Variants in CLCN2 observed in about 807,000 individuals in gnomAD.
CLCN2 encodes the protein chloride channel protein 2.
In CLCN2, 72 loss-of-function variants were observed where a neutral mutation model predicts 108.3. The ratio of observed to expected loss-of-function variants is 0.66; its 90% CI spans 0.55 to 0.81. The LOEUF (loss-of-function observed/expected upper bound fraction) is 0.81. CLCN2 is among the 30% of genes least tolerant of loss of function. The pLI, the probability that CLCN2 is intolerant of heterozygous loss-of-function variation, is 0.00. For missense variants in CLCN2, 1,048 were observed against 1,205.2 expected (o/e 0.87, Z 1.93); for synonymous variants, 471 against 467.1 (o/e 1.01, Z -0.11).
Position 184,357,990 on chromosome 3 carries a change from AG to A in CLCN2, c.586del (p.Leu196Ter). 6.2e-7 allele frequency: 1 copy of A among 1,614,024 alleles called. No individual in the cohort carries two copies. Among genetic ancestry groups the A allele is most frequent in the African/African-American group, 1.3e-5 (1 of 75,050 alleles). ...IAKVIGLTCA[L>X]GSGMPLGKEG... is the part of the protein sequence containing the mutation. ...TTTGCCAAGCGGCATCCCGCTGCCT[AG>A]GGCGCAGGTCAGCCCAATGACCTTA... On this transcript the variant is annotated frameshift_variant, in exon 5 of 24. Transcript: ENST00000265593. LOFTEE classifies it high-confidence loss of function.
At chr3:184,357,337 G>T in intron 8 of CLCN2, 25 bp downstream of exon 8, 1 of 1,614,026 alleles carries the variant, frequency 6.2e-7, no homozygotes, top group Non-Finnish European at 8.5e-7. Flanking sequence ...ATCTCGGGCT[G>T]CCCTCATCCC....
In CLCN2 at chr3:184,357,706, G is replaced by A; in HGVS notation, c.694-8C>T. On this transcript the variant is annotated splice_region_variant and splice_polypyrimidine_tract_variant and intron_variant, in intron 6 of 23. Transcript: ENST00000265593. ...TGTGTTCCGGGATTCATTCTGGCGA[G>A]AGTGGTGGCAAGAGGGGGTCAGCTG... 1 of 1,614,100 alleles carries A rather than the reference G, an allele frequency of 6.2e-7. No homozygotes were observed. The highest frequency in any genetic ancestry group is 8.5e-7 in the Non-Finnish European group (1 of 1,180,040).
rs1727660868 is a variant in CLCN2 at position 184,346,283 on chromosome 3, C to T, written c.*323G>A. The T allele has an allele frequency of 4.6e-6, 2 of 435,294 alleles. No homozygotes were observed. The highest frequency in any genetic ancestry group is 4.9e-5 in the South Asian group (2 of 40,538). The allele number at this position is 435,294 out of a possible 1,614,324, so 27.0% of individuals were successfully genotyped here. The stretch of plus-strand genomic sequence containing the variant: ...AATCTTTGTAAATCTCTATATACAT[C>T]TGGTCATTGGAGGTTCCAGTTATAA... On this transcript the variant is annotated 3_prime_UTR_variant, in exon 24 of 24. Transcript: ENST00000265593. This position sits in a 1 kb window ranked among gnomAD's most constrained non-coding sequence, Gnocchi z 6.0.
Position 184,355,937 on chromosome 3 carries a change from C to T in CLCN2, c.1086-159G>A, listed in dbSNP as rs1728517244. ...TGTTTATGATACGATAGCCCCAAGG[C>T]TGATGGTGGACTGGGGTTATTCTAA... On this transcript the variant is annotated intron_variant, in intron 10 of 23. Coordinates refer to ENST00000265593, the MANE Select transcript of CLCN2 (RefSeq NM_004366.6). The surrounding 1 kb of genome is among the most constrained non-coding windows in gnomAD (Gnocchi z 6.3). The T allele has an allele frequency of 1.5e-6, 1 of 688,658 alleles. No individual in the cohort carries two copies. 42.7% of individuals were successfully genotyped at this position (688,658 alleles called of 1,614,324 possible).
At chr3:184,358,372 A>AC in intron 3 of CLCN2, 62 bp from the exon 4 acceptor site, 1 of 1,608,648 alleles carries the variant, frequency 6.2e-7, no homozygotes, top group Non-Finnish European at 8.5e-7. Context: ...TGGCCAGTGG[A>AC]CCACGCTGAT....
intron 1 of CLCN2, 54 bp from the exon 2 acceptor site, chr3:184,359,185 C>T: frequency 6.2e-7 from 1 of 1,605,772 alleles, no homozygotes; most frequent in South Asian, 1.1e-5. Context: ...AGTGGGAACG[C>T]AGGGAGAGTT....
intron 22 of CLCN2, among the ~76,000 whole-genome samples, chr3:184,349,737 T>C (rs1727956364): frequency 1.3e-5 from 2 of 152,228 alleles, no homozygotes; most frequent in Non-Finnish European, 2.9e-5. Context: ...ATCCCCATTT[T>C]ACAGATCGGG....
rs1388133845 is a variant in CLCN2, at chr3:184,353,042, T to C, written c.2134A>G (p.Ser712Gly). The C allele has an allele frequency of 6.2e-7, 1 of 1,613,936 alleles. No individual in the cohort carries two copies. Among genetic ancestry groups the C allele is most frequent in the Admixed American group, 1.7e-5 (1 of 60,022 alleles). The change falls in exon 18 of 24, where the codon AGT becomes GGT. Residue 712 changes from serine to glycine, a missense_variant. Transcript: ENST00000265593. The part of the protein sequence containing the change: ...GPSVTRNLGE[S>G]PTGSAESAGI... ...GGAGACATGGGCTTACCTGTGGGAC[T>C]CTCTCCGAGGTTCCTGGTGACACTG...
In CLCN2 at chr3:184,354,228, G is replaced by A. The variant is rs927645302; in HGVS notation, c.1594C>T (p.Leu532=). 2 of 1,613,352 alleles carry A rather than the reference G, an allele frequency of 1.2e-6. No individual in the cohort carries two copies. The highest frequency in any genetic ancestry group is 1.3e-5 in the African/African-American group (1 of 74,928). The part of the protein sequence containing the change: ...FELTGQIAHI[L]PVMIAVILAN... ...AGGATGACGGCGATCATGACAGGCA[G>A]GATGTGGGCAATCTGGCCTGTGAGC... The change falls in exon 15 of 24, where the codon CTG becomes TTG. Residue 532 remains leucine, a synonymous_variant. Transcript: ENST00000265593.
chr3:184,349,798 A>G (rs1727960565), intron 22 of CLCN2, among the ~76,000 whole-genome samples: 1 of 152,218 alleles, frequency 6.6e-6, no homozygotes, highest in Admixed American at 6.5e-5. Context: ...ACAGCAAGCC[A>G]GCATGTGGCA....
intron 19 of CLCN2, 89 bp downstream of exon 19, chr3:184,352,648 C>T (rs1281235710): frequency 6.7e-7 from 1 of 1,489,956 alleles, no homozygotes; most frequent in East Asian, 2.3e-5. Context: ...AGAATAGAGG[C>T]AGGCACTGCA....
Position 184,357,868 on chromosome 3 carries a change from G to A in CLCN2, c.616-12C>T. Reference sequence around the variant, plus strand: ...TGCACAAAAGGGCCCTGCGGGGTGGGGCAGGCGGTGAGTCGGGAGGGGGCC... The same window carrying A: ...TGCACAAAAGGGCCCTGCGGGGTGGAGCAGGCGGTGAGTCGGGAGGGGGCC... On this transcript the variant is annotated splice_polypyrimidine_tract_variant and intron_variant, in intron 5 of 23. Coordinates refer to ENST00000265593, the MANE Select transcript of CLCN2 (RefSeq NM_004366.6). The A allele has an allele frequency of 6.2e-7, 1 of 1,613,734 alleles. No individual in the cohort carries two copies. Among genetic ancestry groups the A allele is most frequent in the Non-Finnish European group, 8.5e-7 (1 of 1,180,026 alleles).
chr3:184,351,290 T>C (rs970235496), intron 22 of CLCN2, among the ~76,000 whole-genome samples: 5 of 152,126 alleles, frequency 3.3e-5, no homozygotes, highest in African/African-American at 1.2e-4. Context: ...AAACACCCCT[T>C]GGCTTCTGCT....
rs1050309021 is a variant in CLCN2 at position 184,352,430 on chromosome 3, C to T, written c.2271+13G>A. 1.2e-6 allele frequency: 2 copies of T among 1,613,214 alleles called. No individual in the cohort carries two copies. Among genetic ancestry groups the T allele is most frequent in the Non-Finnish European group, 1.7e-6 (2 of 1,179,818 alleles). ...CGGTGCCGCCGAGATGCTAGAAGAG[C>T]AGGCATACTTACTGCCAGGGAGATT... On this transcript the variant is annotated intron_variant, in intron 20 of 23. Coordinates refer to ENST00000265593, the MANE Select transcript of CLCN2 (RefSeq NM_004366.6).
At chr3:184,353,559 A>T in intron 16 of CLCN2, 103 bp downstream of exon 16, 3 of 1,567,526 alleles carry the variant, frequency 1.9e-6, no homozygotes, top group Non-Finnish European at 2.6e-6. Context: ...GTGCTGGTCC[A>T]TTCCCTTTGG....
At position 184,358,098 on chromosome 3, in the gene CLCN2, G is replaced by A. The variant is rs1553856667; in HGVS notation, c.482-3C>T. The stretch of plus-strand genomic sequence containing the variant: ...CTTCATCTCAGGGATGCCAGAGCCT[G>A]GAGAGGGAACAGTCTCAGGAGAGGC... On this transcript the variant is annotated splice_region_variant and splice_polypyrimidine_tract_variant and intron_variant, in intron 4 of 23. Transcript: ENST00000265593. 3.7e-6 allele frequency: 6 copies of A among 1,614,126 alleles called. No homozygotes were observed. The East Asian group carries it at 8.9e-5, about 24-fold the overall frequency.
At chr3:184,357,899 T>A in intron 5 of CLCN2, 43 bp from the exon 6 acceptor site, 1 of 1,613,502 alleles carries the variant, frequency 6.2e-7, no homozygotes, top group Non-Finnish European at 8.5e-7. Context: ...GGGCCCGCCC[T>A]GACCTTGGCC....
chr3:184,353,024 T>G lies in CLCN2; in HGVS notation c.2143+9A>C. 6.2e-7 allele frequency: 1 copy of G among 1,608,934 alleles called. No individual in the cohort carries two copies. ...TGAGGCTCTGTGGACACAGGAGACA[T>G]GGGCTTACCTGTGGGACTCTCTCCG... On this transcript the variant is annotated intron_variant, in intron 18 of 23. Coordinates refer to ENST00000265593, the MANE Select transcript of CLCN2 (RefSeq NM_004366.6).
rs768638424 is a variant in CLCN2 at position 184,354,213 on chromosome 3, C to T, written c.1609G>A (p.Ala537Thr). The change falls in exon 15 of 24, where the codon GCC (alanine) becomes ACC (threonine). Residue 537 changes from alanine to threonine, a missense_variant. Coordinates refer to ENST00000265593, the MANE Select transcript of CLCN2 (RefSeq NM_004366.6). The stretch of plus-strand genomic sequence containing the variant: ...GCGACAGCGTTGGCCAGGATGACGG[C>T]GATCATGACAGGCAGGATGTGGGCA... ...QIAHILPVMIAVILANAVAQS... is the reference protein window; with the variant it reads ...QIAHILPVMITVILANAVAQS... The T allele has an allele frequency of 1.2e-6, 2 of 1,613,360 alleles. No homozygotes were observed. Among genetic ancestry groups the T allele is most frequent in the Admixed American group, 1.7e-5 (1 of 59,978 alleles).
Sources: allele counts gnomAD v4.1 joint callset (sites outside exome capture counted in the v4.1 genomes callset), GRCh38; gene constraint gnomAD v4.1.1; non-coding constraint Gnocchi (gnomAD v3.1); transcripts MANE v1.5; gene names NCBI Gene and HGNC (gene_info 2026-07-23, HGNC 2026-07-21).